Variants in ABCC4 observed in about 807,000 individuals in gnomAD.
ABCC4 encodes ATP-binding cassette sub-family C member 4.
A neutral mutation model predicts 168.5 loss-of-function variants in ABCC4; 102 were observed. The ratio of observed to expected loss-of-function variants is 0.61; its 90% CI spans 0.52 to 0.71. ABCC4 has a LOEUF of 0.71. ABCC4 is among the 30% of genes least tolerant of loss of function. The pLI, the probability that ABCC4 is intolerant of heterozygous loss-of-function variation, is 0.00. For missense variants in ABCC4, 1,402 were observed against 1,605.8 expected (o/e 0.87, Z 2.17); for synonymous variants, 617 against 590.7 (o/e 1.04, Z -0.65).
intron 4 of ABCC4, among the ~76,000 whole-genome samples, chr13:95,219,982 A>G (rs1009635694): frequency 1.3e-5 from 2 of 150,940 alleles, no homozygotes; most frequent in African/African-American, 4.9e-5. Context: ...TAGCCTCCCA[A>G]GTAGCTGGGA....
At chr13:95,119,531 A>C (rs2035492074) in intron 19 of ABCC4, among the ~76,000 whole-genome samples, 1 of 152,198 alleles carries the variant, frequency 6.6e-6, no homozygotes, top group Non-Finnish European at 1.5e-5. Context: ...AGAATATTAT[A>C]AAAGGTGTTA....
chr13:95,258,364 T>G (rs2040444284), intron 1 of ABCC4, among the ~76,000 whole-genome samples: 1 of 152,116 alleles, frequency 6.6e-6, no homozygotes, highest in African/African-American at 2.4e-5. Context: ...ACATTCCCGT[T>G]TGTCCCCTTG....
rs1347100599 is a variant in ABCC4 at position 95,188,550 on chromosome 13, T to C, written c.1264-8A>G. Reference sequence around the variant, plus strand: ...AGTTGGGGTCTCTGATGCCTACAAATTAAAGTTTATAAAATGTGCCCATTT... The same window carrying C: ...AGTTGGGGTCTCTGATGCCTACAAACTAAAGTTTATAAAATGTGCCCATTT... On this transcript the variant is annotated splice_polypyrimidine_tract_variant and splice_region_variant and intron_variant, in intron 9 of 30. Coordinates refer to ENST00000645237, the MANE Select transcript of ABCC4 (RefSeq NM_005845.5). The C allele has an allele frequency of 6.2e-7, 1 of 1,600,130 alleles. No individual in the cohort carries two copies. The highest frequency in any genetic ancestry group is 2.2e-5 in the East Asian group (1 of 44,622).
chr13:95,025,245 A>C (rs201653046), intron 30 of ABCC4, among the ~76,000 whole-genome samples: 3 of 42,166 alleles, frequency 7.1e-5, no homozygotes, highest in South Asian at 1.1e-3. Context: ...ATACACACAC[A>C]CCCACACACA....
chr13:95,068,399 G>A (rs2033618230), intron 25 of ABCC4, among the ~76,000 whole-genome samples: 1 of 152,220 alleles, frequency 6.6e-6, no homozygotes, highest in Non-Finnish European at 1.5e-5. Flanking sequence ...GTCGAGGCAG[G>A]TGGATTGCTT....
Position 95,163,186 on chromosome 13 carries a change from A to G in ABCC4, c.2244T>C (p.Thr748=), listed in dbSNP as rs935469062. ...CGGTTACATTTCCTCCTCCATTTAC[A>G]GTGACATTTAGCATACTTTGTTTGT... ...WANKQSMLNV[T]VNGGGNVTEK... The change falls in exon 18 of 31, where the codon ACT becomes ACC. Residue 748 remains threonine, a synonymous_variant. Coordinates refer to ENST00000645237, the MANE Select transcript of ABCC4 (RefSeq NM_005845.5). The G allele has an allele frequency of 3.1e-6, 5 of 1,613,148 alleles. No individual in the cohort carries two copies. Among genetic ancestry groups the G allele is most frequent in the Non-Finnish European group, 4.2e-6 (5 of 1,179,428 alleles).
At chr13:95,268,539 A>G (rs1428391414) in intron 1 of ABCC4, among the ~76,000 whole-genome samples, 5 of 151,290 alleles carry the variant, frequency 3.3e-5, no homozygotes, top group Non-Finnish European at 5.9e-5. Flanking sequence ...GCCCTTGGCA[A>G]TGGAACGTCT....
intron 1 of ABCC4, among the ~76,000 whole-genome samples, chr13:95,281,488 T>G (rs2041125627): frequency 6.6e-6 from 1 of 152,028 alleles, no homozygotes; most frequent in Non-Finnish European, 1.5e-5. Context: ...TTATACAGAC[T>G]TGGACCTCCC....
chr13:95,058,384 C>T (rs1412435524), intron 26 of ABCC4, among the ~76,000 whole-genome samples: 1 of 151,382 alleles, frequency 6.6e-6, no homozygotes, highest in African/African-American at 2.4e-5. Context: ...TCCTGGCCAA[C>T]ATGGTGAAAC....
In ABCC4 at chr13:95,106,538, A is replaced by G. The variant is rs934691309; in HGVS notation, c.2535+9384T>C. ...ATTTAAAGAAGAGCAAGCAGAAGGG[A>G]AAAAAAAATAAAAAAAAGAAAAAGG... On this transcript the variant is annotated intron_variant, in intron 20 of 30. Transcript: ENST00000645237. Among the ~76,000 whole-genome samples, 24 of 146,670 alleles carry G rather than the reference A, an allele frequency of 1.6e-4. No homozygotes were observed. In the East Asian group the frequency reaches 3.2e-3, roughly 19 times the overall value.
intron 1 of ABCC4, among the ~76,000 whole-genome samples, chr13:95,295,941 TG>T (rs1464179595): frequency 7.3e-6 from 1 of 136,952 alleles, no homozygotes; most frequent in Non-Finnish European, 1.5e-5. Context: ...CACTCCAGCC[TG>T]GGTGACAGTG....
At chr13:95,150,683 T>C (rs754077478) in intron 19 of ABCC4, among the ~76,000 whole-genome samples, 1 of 152,208 alleles carries the variant, frequency 6.6e-6, no homozygotes, top group South Asian at 2.1e-4. Flanking sequence ...GAAAATATCA[T>C]TACTTATGTT....
intron 21 of ABCC4, among the ~76,000 whole-genome samples, chr13:95,077,972 G>A (rs2033965535): frequency 6.6e-6 from 1 of 152,320 alleles, no homozygotes; most frequent in Non-Finnish European, 1.5e-5. Flanking sequence ...GAGAAAGTGG[G>A]AAGCCCTGGG....
At chr13:95,128,870 C>A (rs1317764934) in intron 19 of ABCC4, among the ~76,000 whole-genome samples, 2 of 152,148 alleles carry the variant, frequency 1.3e-5, no homozygotes. Context: ...CTGATAATTC[C>A]CAAAGACTTT....
intron 1 of ABCC4, among the ~76,000 whole-genome samples, chr13:95,260,258 G>A (rs1457709452): frequency 1.3e-5 from 2 of 152,110 alleles, no homozygotes; most frequent in Non-Finnish European, 2.9e-5. Context: ...CCTCAGCCTG[G>A]GGAGTTTTAC....
In ABCC4 at chr13:95,083,248, C is replaced by A; in HGVS notation, c.2578G>T (p.Val860Leu). 1 of 1,613,998 alleles carries A rather than the reference C, an allele frequency of 6.2e-7. No individual in the cohort carries two copies. The highest frequency in any genetic ancestry group is 2.2e-5 in the East Asian group (1 of 44,860). Residue 860 changes from valine to leucine, a missense_variant, in exon 21 of 31, where the codon GTG (valine) becomes TTG (leucine). By Grantham distance (32) the Val-to-Leu change is conservative. Transcript: ENST00000645237. ...AAGGGTATTGCGATCCAAGGAATCA[C>A]GGCCACAGCCACAGAGACCACACCA... is the stretch of plus-strand genomic sequence containing the variant. ...VVGVVSVAVA[V>L]IPWIAIPLVP...
chr13:95,048,544 C>CT (rs1487002213), intron 27 of ABCC4, among the ~76,000 whole-genome samples: 1 of 152,178 alleles, frequency 6.6e-6, no homozygotes, highest in Non-Finnish European at 1.5e-5. Context: ...AAGAACACAG[C>CT]TAAGTGTGAA....
At chr13:95,153,627 TTTTTTATC>T (rs2036763137) in intron 19 of ABCC4, among the ~76,000 whole-genome samples, 1 of 152,210 alleles carries the variant, frequency 6.6e-6, no homozygotes, top group African/African-American at 2.4e-5. Flanking sequence ...TCTTCCCTAG[TTTTTTATC>T]TTTTTAACAT....
intron 1 of ABCC4, among the ~76,000 whole-genome samples, chr13:95,253,741 CA>C (rs1461676446): frequency 4.2e-5 from 6 of 143,892 alleles, no homozygotes; most frequent in East Asian, 2.0e-4. Flanking sequence ...GAGACCCCAT[CA>C]AAAAAAAAAC....
Sources: gnomAD v4.1 joint callset for allele counts (sites outside exome capture counted in the v4.1 genomes callset) on GRCh38, gnomAD v4.1.1 for gene constraint, MANE v1.5 for transcripts, NCBI Gene and HGNC (gene_info 2026-07-23, HGNC 2026-07-21) for gene names.